Variants in DNAJC17 observed in about 807,000 individuals in gnomAD.
The protein encoded by DNAJC17 is dnaJ homolog subfamily C member 17.
A neutral mutation model predicts 48.1 loss-of-function variants in DNAJC17; 35 were observed. The observed-to-expected ratio is 0.73, with a 90% CI of 0.56 to 0.96. The LOEUF (loss-of-function observed/expected upper bound fraction) is 0.96, where lower values mean the gene tolerates loss of function less well. Ranked by LOEUF, DNAJC17 falls within the 50% of genes least tolerant of loss-of-function variation. The probability of loss-of-function intolerance (pLI) is 0.00; values close to 1 mark genes in which losing one functional copy is unlikely to be tolerated. For synonymous variants in DNAJC17, 117 were observed against 142.7 expected (o/e 0.82, Z 1.28); for missense variants, 355 against 377.1 (o/e 0.94, Z 0.48).
chr15:40,788,072 A>G (rs568782469), intron 1 of DNAJC17, among the ~76,000 whole-genome samples: 1 of 152,282 alleles, frequency 6.6e-6, no homozygotes, highest in African/African-American at 2.4e-5. Flanking sequence ...CATCCCGGGT[A>G]AATCAGCTGG....
At chr15:40,795,460 G>A (rs1889921817) in intron 1 of DNAJC17, among the ~76,000 whole-genome samples, 1 of 152,166 alleles carries the variant, frequency 6.6e-6, no homozygotes, top group African/African-American at 2.4e-5. Context: ...CTTAGCACCA[G>A]GCTCAGAGTT....
At position 40,776,178 on chromosome 15, in the gene DNAJC17, G is replaced by T. The variant is rs761869231; in HGVS notation, c.478+18C>A. 2 of 1,610,388 alleles carry T rather than the reference G, an allele frequency of 1.2e-6. No homozygotes were observed. The highest frequency in any genetic ancestry group is 1.3e-5 in the African/African-American group (1 of 74,956). On this transcript the variant is annotated intron_variant, in intron 6 of 10. Transcript: ENST00000220496. ...GAGCTACCTTGGAGGGGAGATAGGC[G>T]GGGTGATAGACCTGCACCTCTCAAC...
Position 40,798,875 on chromosome 15 carries a change from C to T in DNAJC17, c.78+8494G>A, listed in dbSNP as rs1596099827. ...AACAGCGTTAACTCACGACTTAATC[C>T]TTCATTCTGGCAGCCGTGGTGCCCC... On this transcript the variant is annotated intron_variant, in intron 1 of 10. Coordinates refer to ENST00000220496, the MANE Select transcript of DNAJC17 (RefSeq NM_018163.3). Among the ~76,000 whole-genome samples, 3 of 152,268 alleles carry T rather than the reference C, an allele frequency of 2.0e-5. No individual in the cohort carries two copies. In the South Asian group the frequency reaches 6.2e-4, roughly 32 times the overall value.
chr15:40,781,408 G>T (rs1008043957), intron 1 of DNAJC17, among the ~76,000 whole-genome samples: 2 of 151,816 alleles, frequency 1.3e-5, no homozygotes, highest in African/African-American at 4.8e-5. Flanking sequence ...GCTGAGGCAG[G>T]AGAATCACTT....
Position 40,767,109 on chromosome 15 carries a change from C to CAGCCAGCAAGT in DNAJC17, c.*820_*830dup. 2 of 1,100,770 alleles carry CAGCCAGCAAGT rather than the reference C, an allele frequency of 1.8e-6. No homozygotes were observed. Among genetic ancestry groups the CAGCCAGCAAGT allele is most frequent in the Non-Finnish European group, 2.5e-6 (2 of 812,480 alleles). The allele number at this position is 1,100,770 out of a possible 1,614,324, so 68.2% of individuals were successfully genotyped here. A position where few individuals can be genotyped will look rare whatever the true frequency, so the allele number is the denominator to read the frequency against. ...TGCACTTACCCCAGCGCCCAGCAAG[C>CAGCCAGCAAGT]AGCCAGCAAGTGTGAGTCACTACAA... is the stretch of plus-strand genomic sequence containing the variant. On this transcript the variant is annotated 3_prime_UTR_variant, in exon 11 of 11. Transcript: ENST00000220496.
intron 1 of DNAJC17, among the ~76,000 whole-genome samples, chr15:40,788,247 CAG>C (rs1286252811): frequency 1.3e-5 from 2 of 152,212 alleles, no homozygotes; most frequent in Non-Finnish European, 1.5e-5. Flanking sequence ...AAGCAAACAA[CAG>C]AGCTCTGGGC....
chr15:40,807,378 C>T lies in DNAJC17; in HGVS notation c.69G>A (p.Ala23=), dbSNP rs1890275406. 6.2e-7 allele frequency: 1 copy of T among 1,614,256 alleles called. No homozygotes were observed. The highest frequency in any genetic ancestry group is 8.5e-7 in the Non-Finnish European group (1 of 1,180,050). The stretch of plus-strand genomic sequence containing the variant: ...TCGCCACCGTTCTCACCTCTTTGTC[C>T]GCTGCCTTCTCCTCAATGCCTAGCA... ...YALLGIEEKA[A]DKEVKKAYRQ... is the part of the protein sequence containing the mutation. Residue 23 remains alanine, a synonymous_variant, in exon 1 of 11, where the codon GCG becomes GCA. Transcript: ENST00000220496.
intron 1 of DNAJC17, among the ~76,000 whole-genome samples, chr15:40,790,572 C>G (rs1023419179): frequency 6.6e-6 from 1 of 152,100 alleles, no homozygotes; most frequent in African/African-American, 2.4e-5. Context: ...CAGCGAGACT[C>G]TCTTTCCAAA....
At position 40,766,051 on chromosome 15, in the gene DNAJC17, G is replaced by A. The variant is rs8042544; in HGVS notation, c.*1889C>T. 2 of 476,018 alleles carry A rather than the reference G, an allele frequency of 4.2e-6. No homozygotes were observed. Among genetic ancestry groups the A allele is most frequent in the Non-Finnish European group, 3.8e-6 (1 of 261,126 alleles). The allele number at this position is 476,018 out of a possible 1,614,324, so 29.5% of individuals were successfully genotyped here. ...CCCCCTGCCTGCATCCTGGGGCTCT[G>A]TTCTCCGGAGGAGTTGGTCCCATCT... On this transcript the variant is annotated 3_prime_UTR_variant, in exon 11 of 11. Coordinates refer to ENST00000220496, the MANE Select transcript of DNAJC17 (RefSeq NM_018163.3).
chr15:40,772,780 G>T (rs1054558275), intron 10 of DNAJC17, among the ~76,000 whole-genome samples: 5 of 152,210 alleles, frequency 3.3e-5, no homozygotes, highest in Non-Finnish European at 5.9e-5. Context: ...ACCAAGGTGG[G>T]GACAGGTGTG....
At chr15:40,768,137 G>A (rs958469143) in intron 10 of DNAJC17, 75 bp from the exon 11 acceptor site, 8 of 1,459,036 alleles carry the variant, frequency 5.5e-6, no homozygotes, top group East Asian at 5.1e-5. Context: ...GTACGGTGCC[G>A]AGGCAGTGCT....
chr15:40,772,927 A>G (rs1344859258), intron 10 of DNAJC17, among the ~76,000 whole-genome samples: 1 of 144,796 alleles, frequency 6.9e-6, no homozygotes, highest in African/African-American at 2.6e-5. Context: ...GGCAGGCACC[A>G]CCCCGTGTCA....
At chr15:40,775,893 A>G (rs58681580) in intron 6 of DNAJC17, among the ~76,000 whole-genome samples, 3,635 of 152,292 alleles carry the variant, frequency 0.024, 141 homozygotes, top group African/African-American at 0.084. Context: ...ATGAGGTTCT[A>G]CGGGCACAAA....
rs1341031463 is a variant in DNAJC17, at chr15:40,765,858, A to G, written c.*2082T>C. On this transcript the variant is annotated 3_prime_UTR_variant, in exon 11 of 11. Coordinates refer to ENST00000220496, the MANE Select transcript of DNAJC17 (RefSeq NM_018163.3). ...GGCCCCACTATGGTGGGCGATGAAC[A>G]GTCGGATCCAGAGCTGATGCAGCAT... 1 of 1,584,186 alleles carries G rather than the reference A, an allele frequency of 6.3e-7. No individual in the cohort carries two copies. The highest frequency in any genetic ancestry group is 2.3e-5 in the East Asian group (1 of 43,450).
At chr15:40,801,260 C>T (rs1477977121) in intron 1 of DNAJC17, among the ~76,000 whole-genome samples, 2 of 152,106 alleles carry the variant, frequency 1.3e-5, no homozygotes, top group African/African-American at 4.8e-5. Flanking sequence ...GACAAATAAT[C>T]ACACAGATAA....
chr15:40,772,887 G>A (rs1438059495), intron 10 of DNAJC17, among the ~76,000 whole-genome samples: 2 of 151,996 alleles, frequency 1.3e-5, no homozygotes. Context: ...GAAGGTCTAC[G>A]CTTCACCCAG....
chr15:40,771,129 A>C lies in DNAJC17; in HGVS notation c.792+2598T>G, dbSNP rs528364220. On this transcript the variant is annotated intron_variant, in intron 10 of 10. Transcript: ENST00000220496. ...AGGCCCATCGCTGGAGGGTTCAGGC[A>C]GGCAGAGCTTCTTCATCCTGGGGGA... 8.6e-6 allele frequency: 9 copies of C among 1,049,770 alleles called. No individual in the cohort carries two copies. In the East Asian group the frequency reaches 2.1e-4, roughly 24 times the overall value. 65.0% of individuals were successfully genotyped at this position (1,049,770 alleles called of 1,614,324 possible).
rs574022568 is a variant in DNAJC17 at position 40,777,445 on chromosome 15, G to A, written c.296-818C>T. ...AAAGAATGCTTGGACTGGGCCAGGCGCGGTGGCTCACGCCTGTAATCCCAG... is the reference window on the plus strand; with the variant it reads ...AAAGAATGCTTGGACTGGGCCAGGCACGGTGGCTCACGCCTGTAATCCCAG... On this transcript the variant is annotated intron_variant, in intron 4 of 10. Coordinates refer to ENST00000220496, the MANE Select transcript of DNAJC17 (RefSeq NM_018163.3). Among the ~76,000 whole-genome samples, 12 of 152,170 alleles carry A rather than the reference G, an allele frequency of 7.9e-5. No individual in the cohort carries two copies. In the South Asian group the frequency reaches 2.3e-3, roughly 29 times the overall value.
At chr15:40,796,737 T>C (rs1889947457) in intron 1 of DNAJC17, among the ~76,000 whole-genome samples, 1 of 152,166 alleles carries the variant, frequency 6.6e-6, no homozygotes, top group Admixed American at 6.5e-5. Context: ...GATCTAGCAG[T>C]TCTCCTTCTG....
Sources: allele counts gnomAD v4.1 joint callset (sites outside exome capture counted in the v4.1 genomes callset), GRCh38; gene constraint gnomAD v4.1.1; transcripts MANE v1.5; gene names NCBI Gene and HGNC (gene_info 2026-07-23, HGNC 2026-07-21).